Variants in ZNF804B observed in about 807,000 individuals in gnomAD.
ZNF804B encodes the protein zinc finger protein 804B.
A neutral mutation model predicts 101.4 loss-of-function variants in ZNF804B; 80 were observed. That is an observed-to-expected ratio of 0.79 (90% CI 0.66 to 0.95). The LOEUF is 0.95. ZNF804B is among the 40% of genes least tolerant of loss of function. ZNF804B has a pLI of 0.00. For synonymous variants in ZNF804B, 622 were observed against 558.8 expected, an observed-to-expected ratio of 1.11 and a Z score of -1.59; for missense variants, 1,673 against 1,561.9, an observed-to-expected ratio of 1.07 and a Z score of -1.20.
At chr7:89,281,381 C>T (rs1790091838) in intron 2 of ZNF804B, among the ~76,000 whole-genome samples, 1 of 152,138 alleles carries the variant, frequency 6.6e-6, no homozygotes, top group Admixed American at 6.5e-5. Flanking sequence ...AGGTTACTAA[C>T]TAGTGCTACA....
chr7:88,908,060 G>A (rs928307496), intron 1 of ZNF804B, among the ~76,000 whole-genome samples: 3 of 151,690 alleles, frequency 2.0e-5, no homozygotes, highest in African/African-American at 4.8e-5. Flanking sequence ...CACTCTGAGG[G>A]GTTGGGAAGG....
At chr7:89,219,997 G>GTATACA (rs1788966103) in intron 2 of ZNF804B, among the ~76,000 whole-genome samples, 2 of 55,812 alleles carry the variant, frequency 3.6e-5, no homozygotes, top group Non-Finnish European at 6.9e-5. Flanking sequence ...GTGCATATAT[G>GTATACA]TATATGCACA....
rs1214073455 is a variant in ZNF804B at position 89,237,532 on chromosome 7, T to G, written c.249+19237T>G. ...AAGTTCCTAAACAAATATAACTTTA[T>G]TTTTCTTATCTTGATTTTCTAAACA... On this transcript the variant is annotated intron_variant, in intron 2 of 3. Transcript: ENST00000333190. Among the ~76,000 whole-genome samples, 5 of 152,334 alleles carry G rather than the reference T, an allele frequency of 3.3e-5. 1 individual carries two copies. The East Asian group carries it at 9.6e-4, about 29-fold the overall frequency.
At chr7:88,924,490 A>T (rs1167455261) in intron 1 of ZNF804B, among the ~76,000 whole-genome samples, 1 of 152,040 alleles carries the variant, frequency 6.6e-6, no homozygotes, top group Non-Finnish European at 1.5e-5. Context: ...TTTTCCCTAT[A>T]AGCCTTTGTG....
At chr7:88,951,947 A>G (rs188809824) in intron 1 of ZNF804B, among the ~76,000 whole-genome samples, 1 of 151,968 alleles carries the variant, frequency 6.6e-6, no homozygotes, top group East Asian at 2.0e-4. Context: ...TTATATCTGT[A>G]TCCAGCTGGT....
At chr7:89,214,047 T>G (rs1364009579) in intron 1 of ZNF804B, among the ~76,000 whole-genome samples, 2 of 152,198 alleles carry the variant, frequency 1.3e-5, no homozygotes, top group African/African-American at 2.4e-5. Context: ...AATGTAAAAT[T>G]TTTGGTGTGA....
At chr7:89,175,480 G>C (rs1474382253) in intron 1 of ZNF804B, among the ~76,000 whole-genome samples, 1 of 151,992 alleles carries the variant, frequency 6.6e-6, no homozygotes, top group African/African-American at 2.4e-5. Context: ...CTATATTTCA[G>C]TAAGATAATT....
chr7:88,897,941 C>CT (rs1192109416), intron 1 of ZNF804B, among the ~76,000 whole-genome samples: 1 of 151,512 alleles, frequency 6.6e-6, no homozygotes, highest in Non-Finnish European at 1.5e-5. Flanking sequence ...TCAAAACAAT[C>CT]TAAGTATTTA....
intron 1 of ZNF804B, among the ~76,000 whole-genome samples, chr7:89,094,466 T>G (rs1330872726): frequency 2.6e-5 from 4 of 152,168 alleles, no homozygotes; most frequent in African/African-American, 9.7e-5. Flanking sequence ...GTCTGCTCTT[T>G]CCTGTTTGAG....
At chr7:89,218,102 G>A in intron 1 of ZNF804B, 53 bp from the exon 2 acceptor site, 1 of 1,553,398 alleles carries the variant, frequency 6.4e-7, no homozygotes, top group Non-Finnish European at 8.8e-7. Context: ...TACGAGATCT[G>A]GTTATGCTAT....
At chr7:88,996,033 G>A (rs1788190078) in intron 1 of ZNF804B, among the ~76,000 whole-genome samples, 1 of 152,000 alleles carries the variant, frequency 6.6e-6, no homozygotes, top group African/African-American at 2.4e-5. Flanking sequence ...ACATAGTGTG[G>A]CATTGTAGAT....
intron 2 of ZNF804B, among the ~76,000 whole-genome samples, chr7:89,309,642 C>T (rs1372110797): frequency 6.6e-6 from 1 of 151,600 alleles, no homozygotes; most frequent in Non-Finnish European, 1.5e-5. Context: ...CACCTGTAGT[C>T]CCAGCTACTT....
chr7:89,015,080 G>C (rs1056894306), intron 1 of ZNF804B, among the ~76,000 whole-genome samples: 1 of 152,192 alleles, frequency 6.6e-6, no homozygotes, highest in South Asian at 2.1e-4. Flanking sequence ...GATATCAAGT[G>C]TTCCCAGAAC....
At chr7:89,305,526 T>C (rs1554392147) in intron 2 of ZNF804B, among the ~76,000 whole-genome samples, 1 of 151,780 alleles carries the variant, frequency 6.6e-6, no homozygotes, top group Non-Finnish European at 1.5e-5. Flanking sequence ...CTCAACATAG[T>C]TTGTTGTTGT....
intron 1 of ZNF804B, among the ~76,000 whole-genome samples, chr7:88,873,934 G>A (rs1207186195): frequency 3.3e-5 from 5 of 152,118 alleles, no homozygotes; most frequent in Non-Finnish European, 7.3e-5. Flanking sequence ...TTTGGCTTAG[G>A]ATTGACTTGG....
intron 1 of ZNF804B, among the ~76,000 whole-genome samples, chr7:88,775,794 G>T (rs1340748286): frequency 1.2e-4 from 19 of 152,254 alleles, no homozygotes. Flanking sequence ...TTCCAGTGTT[G>T]CTTGGTGACA....
At chr7:89,294,572 A>T (rs1243742375) in intron 2 of ZNF804B, among the ~76,000 whole-genome samples, 2 of 151,918 alleles carry the variant, frequency 1.3e-5, no homozygotes, top group Non-Finnish European at 2.9e-5. Context: ...TTTTTTAAAA[A>T]AATGCTTCTC....
At chr7:89,206,856 A>T (rs1402309831) in intron 1 of ZNF804B, among the ~76,000 whole-genome samples, 1 of 152,232 alleles carries the variant, frequency 6.6e-6, no homozygotes, top group Non-Finnish European at 1.5e-5. Flanking sequence ...CTTCTGCCAG[A>T]TGCCCTAAAT....
chr7:89,005,384 C>T (rs1213966201), intron 1 of ZNF804B, among the ~76,000 whole-genome samples: 2 of 151,938 alleles, frequency 1.3e-5, no homozygotes, highest in African/African-American at 4.8e-5. Flanking sequence ...ATGAAGTCTA[C>T]TGCAAGCAGA....
Sources: allele counts gnomAD v4.1 joint callset (sites outside exome capture counted in the v4.1 genomes callset), GRCh38; gene constraint gnomAD v4.1.1; transcripts MANE v1.5; gene names NCBI Gene and HGNC (gene_info 2026-07-23, HGNC 2026-07-21).